TAF6: variants seen among roughly 807,000 people sequenced by gnomAD.
TAF6 encodes the protein TATA-box binding protein associated factor 6.
TAF6 carries 50 observed loss-of-function variants against 73.5 expected under a neutral mutation model. The ratio of observed to expected loss-of-function variants is 0.68; its 90% CI spans 0.54 to 0.86. The LOEUF is 0.86. TAF6 is among the 40% of genes least tolerant of loss of function. The probability of loss-of-function intolerance (pLI) is 0.00; values close to 1 mark genes in which losing one functional copy is unlikely to be tolerated. For missense variants in TAF6, 768 were observed against 899.5 expected, an observed-to-expected ratio of 0.85 and a Z score of 1.87; for synonymous variants, 424 against 376.7, an observed-to-expected ratio of 1.13 and a Z score of -1.45.
chr7:100,113,975 G>A, intron 2 of TAF6, 21 bp from the exon 3 acceptor site: 2 of 1,614,154 alleles, frequency 1.2e-6, no homozygotes, highest in Non-Finnish European at 1.7e-6. Flanking sequence ...TGACAGAACA[G>A]ACATCAGCCC....
intron 14 of TAF6, 59 bp downstream of exon 14, chr7:100,107,867 A>G (rs1355299453): frequency 9.0e-6 from 14 of 1,549,318 alleles, no homozygotes; most frequent in African/African-American, 1.4e-5. Flanking sequence ...GGGCCTCCCC[A>G]GGGTGCTCTG....
chr7:100,114,096 C>T lies in TAF6; in HGVS notation c.114G>A (p.Leu38=). The part of the protein sequence containing the change: ...IAQIQEETCQ[L]LTDEVSYRIK... ...TGCGGTAGCTGACCTCATCCGTTAG[C>T]AGCTGGCAGGTCTCCTCCTGAATCT... Residue 38 remains leucine, a synonymous_variant, in exon 2 of 15, where the codon CTG becomes CTA. Coordinates refer to ENST00000453269, the MANE Select transcript of TAF6 (RefSeq NM_139315.3). The T allele has an allele frequency of 6.2e-7, 1 of 1,614,232 alleles. No homozygotes were observed. The highest frequency in any genetic ancestry group is 8.5e-7 in the Non-Finnish European group (1 of 1,180,044).
chr7:100,113,441 G>C, intron 4 of TAF6, 36 bp from the exon 5 acceptor site: 1 of 1,550,518 alleles, frequency 6.4e-7, no homozygotes, highest in Non-Finnish European at 8.7e-7. Context: ...GAATTGCCAC[G>C]CATGGACATT....
At chr7:100,119,387 T>A, upstream of TAF6, 1 of 1,119,468 alleles carries the variant, frequency 8.9e-7, no homozygotes, top group Non-Finnish European at 1.1e-6. Context: ...TGGCAGAGCC[T>A]AAGAGCAAGT....
upstream of TAF6, chr7:100,121,111 T>TATATATACAC (rs1562938270): frequency 5.7e-5 from 2 of 35,350 alleles, no homozygotes; most frequent in African/African-American, 1.2e-4. Context: ...TATATATATA[T>TATATATACAC]ATATATTTTT....
chr7:100,122,937 G>A (rs1054113998), upstream of TAF6: 2 of 1,587,756 alleles, frequency 1.3e-6, no homozygotes, highest in Non-Finnish European at 1.7e-6. Context: ...ATCCAGGGAG[G>A]TGAGAAGGGA....
chr7:100,122,361 A>AGAGACAC (rs754396678), upstream of TAF6: 1 of 1,614,078 alleles, frequency 6.2e-7, no homozygotes, highest in Non-Finnish European at 8.5e-7. Context: ...GGCAAGAGGA[A>AGAGACAC]GAGACACGTG....
upstream of TAF6, chr7:100,122,642 C>T: frequency 6.6e-7 from 1 of 1,521,472 alleles, no homozygotes; most frequent in South Asian, 1.2e-5. Flanking sequence ...CCCTGAGGCC[C>T]TCCAGAGGTT....
At chr7:100,112,575 C>A (rs1031643194) in intron 6 of TAF6, among the ~76,000 whole-genome samples, 1 of 152,060 alleles carries the variant, frequency 6.6e-6, no homozygotes, top group African/African-American at 2.4e-5. Flanking sequence ...ATTAGCCGGG[C>A]GTGGTGGTGG....
chr7:100,114,742 T>C (rs889371674), intron 1 of TAF6, among the ~76,000 whole-genome samples: 5 of 148,924 alleles, frequency 3.4e-5, no homozygotes, highest in Admixed American at 2.0e-4. Flanking sequence ...GGACTGGGCC[T>C]AGTGGCTCAT....
chr7:100,122,443 C>G, upstream of TAF6: 1 of 1,613,944 alleles, frequency 6.2e-7, no homozygotes, highest in Non-Finnish European at 8.5e-7. Context: ...GGAGTTCCTA[C>G]AGCATCCAGG....
intron 12 of TAF6, 130 bp from the exon 13 acceptor site, chr7:100,108,670 G>A: frequency 9.4e-7 from 1 of 1,063,088 alleles, no homozygotes; most frequent in South Asian, 1.6e-5. Flanking sequence ...TCATCTCAGT[G>A]CCCCTGTTGA....
In TAF6 at chr7:100,110,192, G is replaced by A. The variant is rs1314660552; in HGVS notation, c.1158+8C>T. On this transcript the variant is annotated splice_region_variant and intron_variant, in intron 11 of 14. Transcript: ENST00000453269. Reference sequence around the variant, plus strand: ...CCCTCCCCCATTTCTTCCTCCCAGAGGCCTAACATCGTGTCCCAGCTCAGC... The same window carrying A: ...CCCTCCCCCATTTCTTCCTCCCAGAAGCCTAACATCGTGTCCCAGCTCAGC... 2 of 1,614,122 alleles carry A rather than the reference G, an allele frequency of 1.2e-6. No homozygotes were observed. The highest frequency in any genetic ancestry group is 1.6e-4 in the Middle Eastern group (1 of 6,062).
chr7:100,112,410 C>T (rs1797271820), intron 6 of TAF6, among the ~76,000 whole-genome samples, 157 bp from the exon 7 acceptor site: 1 of 151,956 alleles, frequency 6.6e-6, no homozygotes, highest in African/African-American at 2.4e-5. Flanking sequence ...ACCTCAGCCA[C>T]TTCACCAATG....
At chr7:100,124,432 T>A, upstream of TAF6, 1 of 1,080,158 alleles carries the variant, frequency 9.3e-7, no homozygotes, top group Non-Finnish European at 1.4e-6. Flanking sequence ...CCAAAATCAG[T>A]CAGGTTGAGC....
intron 1 of TAF6, among the ~76,000 whole-genome samples, chr7:100,117,349 G>A (rs1797755223): frequency 7.1e-6 from 1 of 140,342 alleles, no homozygotes; most frequent in South Asian, 2.5e-4. Flanking sequence ...TTGGCTCACT[G>A]CAACCTCCGC....
chr7:100,123,214 C>T (rs540730646), upstream of TAF6, among the ~76,000 whole-genome samples: 8 of 151,982 alleles, frequency 5.3e-5, no homozygotes, highest in African/African-American at 1.9e-4. Context: ...TGGTGGTGCA[C>T]GCCTGTGATC....
chr7:100,117,785 G>A (rs1264710274), intron 1 of TAF6, among the ~76,000 whole-genome samples: 1 of 150,924 alleles, frequency 6.6e-6, no homozygotes, highest in Non-Finnish European at 1.5e-5. Context: ...GCTCACGCCT[G>A]TAATCCCAGC....
In TAF6 at chr7:100,113,334, G is replaced by A. The variant is rs760233417; in HGVS notation, c.454+15C>T. 6 of 1,577,404 alleles carry A rather than the reference G, an allele frequency of 3.8e-6. No homozygotes were observed. The highest frequency in any genetic ancestry group is 1.7e-4 in the Middle Eastern group (1 of 5,840). On this transcript the variant is annotated intron_variant, in intron 5 of 14. Coordinates refer to ENST00000453269, the MANE Select transcript of TAF6 (RefSeq NM_139315.3). ...AAGGGACCCAGAGACCCAGAGGGTG[G>A]GGCATGGAGGTTACCTGGGGGCGGG...
Sources: gnomAD v4.1 joint callset for allele counts (sites outside exome capture counted in the v4.1 genomes callset) on GRCh38, gnomAD v4.1.1 for gene constraint, MANE v1.5 for transcripts, NCBI Gene and HGNC (gene_info 2026-07-23, HGNC 2026-07-21) for gene names.